ZNF599: variants seen among roughly 807,000 people sequenced by gnomAD.
The protein encoded by ZNF599 is zinc finger protein 599.
Under a neutral mutation model 11.7 loss-of-function variants are expected in ZNF599, and 10 were observed. The ratio of observed to expected loss-of-function variants is 0.86; its 90% CI spans 0.53 to 1.45. The LOEUF (loss-of-function observed/expected upper bound fraction) is 1.45. Ranked by LOEUF, ZNF599 falls within the 40% of genes most tolerant of loss-of-function variation. ZNF599 has a pLI of 0.00. For missense variants in ZNF599, 688 were observed against 713.6 expected (o/e 0.96, Z 0.41); for synonymous variants, 232 against 253.2 (o/e 0.92, Z 0.79).
intron 2 of ZNF599, among the ~76,000 whole-genome samples, chr19:34,768,663 G>A (rs1313404216): frequency 6.6e-6 from 1 of 152,140 alleles, no homozygotes; most frequent in Non-Finnish European, 1.5e-5. Flanking sequence ...CTATAAAAAT[G>A]GCAAAATCAA....
rs1297147384 is a variant in ZNF599, at chr19:34,759,174, C to T, written c.1627G>A (p.Ala543Thr). ...KPFECKECEK[A>T]FCDNFALTQH... ...GTTAAAGCAAAGTTGTCACAGAAGG[C>T]TTTCTCACATTCTTTGCATTCAAAA... is the stretch of plus-strand genomic sequence containing the variant. Residue 543 changes from alanine (A) to threonine (T), a missense_variant, in exon 4 of 4, where the codon GCC becomes ACC. Coordinates refer to ENST00000329285, the MANE Select transcript of ZNF599 (RefSeq NM_001007248.3). 1 of 1,613,894 alleles carries T rather than the reference C, an allele frequency of 6.2e-7. No homozygotes were observed.
intron 2 of ZNF599, among the ~76,000 whole-genome samples, chr19:34,767,860 C>CA (rs2069155301): frequency 1.3e-5 from 2 of 152,166 alleles, no homozygotes; most frequent in African/African-American, 4.8e-5. Flanking sequence ...AGAAAGCAGA[C>CA]AGAGAACTGG....
At position 34,759,252 on chromosome 19, in the gene ZNF599, T is replaced by G. The variant is rs751277711; in HGVS notation, c.1549A>C (p.Thr517Pro). ...YVCRECGKAF[T>P]QPANFVRHNR... ...TGCCGAACAAAATTTGCAGGTTGGG[T>G]AAAAGCCTTTCCACATTCTCTACAA... The change falls in exon 4 of 4, where the codon ACC becomes CCC. Residue 517 changes from threonine to proline, a missense_variant. Thr to Pro is a conservative substitution (Grantham distance 38). Coordinates refer to ENST00000329285, the MANE Select transcript of ZNF599 (RefSeq NM_001007248.3). 1.2e-6 allele frequency: 2 copies of G among 1,614,216 alleles called. No homozygotes were observed. Among genetic ancestry groups the G allele is most frequent in the Non-Finnish European group, 1.7e-6 (2 of 1,180,032 alleles).
At chr19:34,771,350 T>C (rs190721478) in intron 1 of ZNF599, among the ~76,000 whole-genome samples, 17 of 152,256 alleles carry the variant, frequency 1.1e-4, no homozygotes, top group African/African-American at 4.1e-4. Flanking sequence ...TTAATCTGAG[T>C]CTCCGGTTCC....
intron 3 of ZNF599, chr19:34,763,976 G>GGA (rs1230430237): frequency 6.6e-6 from 1 of 152,188 alleles, no homozygotes; most frequent in Non-Finnish European, 1.5e-5. Flanking sequence ...CAGTTACTCA[G>GGA]GAGGCTGAGG....
intron 1 of ZNF599, among the ~76,000 whole-genome samples, chr19:34,770,658 C>T (rs16969714): frequency 0.33 from 49,524 of 152,100 alleles, 8,263 homozygotes; most frequent in African/African-American, 0.38. Context: ...ACACAAGTGG[C>T]CAAGGGCAAT....
chr19:34,798,685 C>A, the ZNF599 span, among the ~76,000 whole-genome samples: 1 of 152,234 alleles, frequency 6.6e-6, no homozygotes, highest in African/African-American at 2.4e-5. Flanking sequence ...CAGCACCTTT[C>A]CCTCTACTCC....
At position 34,759,416 on chromosome 19, in the gene ZNF599, T is replaced by C. The variant is rs747906803; in HGVS notation, c.1385A>G (p.His462Arg). 26 of 1,614,016 alleles carry C rather than the reference T, an allele frequency of 1.6e-5. No individual in the cohort carries two copies. Among genetic ancestry groups the C allele is most frequent in the Admixed American group, 6.7e-5 (4 of 59,994 alleles). ...ECSECGKAFTHHSVFIRHNRT... is the reference protein window; with the variant it reads ...ECSECGKAFTRHSVFIRHNRT... ...ATTATGTCGAATAAAAACAGAGTGGTGTGTAAAAGCCTTTCCACATTCACT... is the reference window on the plus strand; with the variant it reads ...ATTATGTCGAATAAAAACAGAGTGGCGTGTAAAAGCCTTTCCACATTCACT... Residue 462 changes from histidine (H) to arginine (R), a missense_variant, in exon 4 of 4, where the codon CAC (histidine) becomes CGC (arginine). Coordinates refer to ENST00000329285, the MANE Select transcript of ZNF599 (RefSeq NM_001007248.3).
At chr19:34,770,465 T>C (rs2069176301) in intron 1 of ZNF599, among the ~76,000 whole-genome samples, 1 of 152,198 alleles carries the variant, frequency 6.6e-6, no homozygotes, top group Non-Finnish European at 1.5e-5. Flanking sequence ...GAGCCTTCCT[T>C]TGCCTCATAG....
upstream of ZNF599, among the ~76,000 whole-genome samples, chr19:34,777,981 T>C (rs2069229739): frequency 6.6e-6 from 1 of 151,616 alleles, no homozygotes; most frequent in African/African-American, 2.4e-5. Flanking sequence ...CTTACTACAG[T>C]AAAAGGGGGG....
chr19:34,769,039 A>G (rs2069164301), intron 2 of ZNF599, among the ~76,000 whole-genome samples: 1 of 152,204 alleles, frequency 6.6e-6, no homozygotes, highest in Admixed American at 6.5e-5. Flanking sequence ...AGCAGCACTG[A>G]TAACAAACAC....
the ZNF599 span, among the ~76,000 whole-genome samples, chr19:34,804,927 G>T: frequency 5.9e-5 from 9 of 152,122 alleles, no homozygotes; most frequent in Non-Finnish European, 1.2e-4. Context: ...CAACCATAGT[G>T]TTATCGGTAT....
chr19:34,780,287 T>C, the ZNF599 span, among the ~76,000 whole-genome samples: 1 of 151,922 alleles, frequency 6.6e-6, no homozygotes, highest in Non-Finnish European at 1.5e-5. Flanking sequence ...GTGGGAGAAT[T>C]ACTTCAGGCC....
the ZNF599 span, among the ~76,000 whole-genome samples, chr19:34,789,171 C>T: frequency 2.0e-5 from 3 of 152,114 alleles, no homozygotes; most frequent in Non-Finnish European, 4.4e-5. Flanking sequence ...GTAAAATTTG[C>T]TTTTCTGTGC....
chr19:34,796,957 TC>T, the ZNF599 span, among the ~76,000 whole-genome samples: 2 of 128,486 alleles, frequency 1.6e-5, no homozygotes, highest in Admixed American at 8.0e-5. Context: ...ATGCTATCCC[TC>T]CCCCCTCCCT....
chr19:34,791,652 C>T, the ZNF599 span, among the ~76,000 whole-genome samples: 2 of 152,128 alleles, frequency 1.3e-5, no homozygotes, highest in South Asian at 2.1e-4. Flanking sequence ...CTACTTCTCC[C>T]CCAGTAGCAG....
At position 34,759,815 on chromosome 19, in the gene ZNF599, T is replaced by C. The variant is rs1233820637; in HGVS notation, c.986A>G (p.His329Arg). The C allele has an allele frequency of 1.2e-6, 2 of 1,614,108 alleles. No individual in the cohort carries two copies. The highest frequency in any genetic ancestry group is 2.7e-5 in the African/African-American group (2 of 74,948). The change falls in exon 4 of 4, where the codon CAT becomes CGT. Residue 329 changes from histidine (H) to arginine (R), a missense_variant. Coordinates refer to ENST00000329285, the MANE Select transcript of ZNF599 (RefSeq NM_001007248.3). ...AFYYSSSFAQ[H>R]MRIHTGKKLY... ...TTTCTTTCCAGTATGAATCCTCATA[T>C]GTTGAGCAAATGAGGAGCTGTAGTA... is the stretch of plus-strand genomic sequence containing the variant.
the ZNF599 span, among the ~76,000 whole-genome samples, chr19:34,803,235 A>G: frequency 2.8e-4 from 43 of 152,128 alleles, no homozygotes; most frequent in Non-Finnish European, 1.9e-4. Context: ...CAGTGAACCT[A>G]CCCAGGAAAC....
the ZNF599 span, chr19:34,791,900 T>G: frequency 6.6e-6 from 1 of 152,178 alleles, no homozygotes; most frequent in South Asian, 2.1e-4. Context: ...CAGTTCCAAT[T>G]TTGGAAGAAG....
Sources: allele counts gnomAD v4.1 joint callset (sites outside exome capture counted in the v4.1 genomes callset), GRCh38; gene constraint gnomAD v4.1.1; transcripts MANE v1.5; gene names NCBI Gene and HGNC (gene_info 2026-07-23, HGNC 2026-07-21).